The following RAPGEF6 variants were observed in gnomAD, a reference collection of about 807,000 sequenced individuals.
RAPGEF6 encodes the protein Rap guanine nucleotide exchange factor 6.
In RAPGEF6, 56 loss-of-function variants were observed where a neutral mutation model predicts 171.4. That is an observed-to-expected ratio of 0.33 (90% CI 0.26 to 0.41). The LOEUF is 0.41. RAPGEF6 is among the 10% of genes least tolerant of loss of function. The probability of loss-of-function intolerance (pLI) is 1.00; values close to 1 mark genes in which losing one functional copy is unlikely to be tolerated. For missense variants in RAPGEF6, 1,674 were observed against 1,921.4 expected (o/e 0.87, Z 2.41); for synonymous variants, 692 against 650.1 (o/e 1.06, Z -0.98).
In RAPGEF6 at chr5:131,609,160, T is replaced by C. The variant is rs537275626; in HGVS notation, c.70-4467A>G. On this transcript the variant is annotated intron_variant, in intron 1 of 27. Coordinates refer to ENST00000509018, the MANE Select transcript of RAPGEF6 (RefSeq NM_016340.6). ...GAGTAGAAGCAGTCTGAGGCCCTCA[T>C]TGGATGCAGGTGGCCAATCTAGAAT... Among the ~76,000 whole-genome samples the C allele has an allele frequency of 5.3e-5, 8 of 152,194 alleles. No individual in the cohort carries two copies. The East Asian group carries it at 5.8e-4, about 11-fold the overall frequency.
At chr5:131,499,195 C>T (rs1288084177) in intron 11 of RAPGEF6, among the ~76,000 whole-genome samples, 1 of 152,140 alleles carries the variant, frequency 6.6e-6, no homozygotes, top group Non-Finnish European at 1.5e-5. Flanking sequence ...CCTCTCCATG[C>T]TAGGTCACCA....
At chr5:131,492,383 T>G (rs1372308207) in intron 14 of RAPGEF6, among the ~76,000 whole-genome samples, 199 bp downstream of exon 14, 1 of 152,196 alleles carries the variant, frequency 6.6e-6, no homozygotes, top group Non-Finnish European at 1.5e-5. Flanking sequence ...CTGGCCATAC[T>G]ACACCAAATT....
intron 22 of RAPGEF6, among the ~76,000 whole-genome samples, chr5:131,443,349 A>G (rs1383855120): frequency 6.6e-6 from 1 of 152,160 alleles, no homozygotes; most frequent in Non-Finnish European, 1.5e-5. Flanking sequence ...AAGTGGTGTG[A>G]TTACAGGTGT....
chr5:131,524,939 C>T (rs1174343643), intron 6 of RAPGEF6, among the ~76,000 whole-genome samples: 1 of 152,124 alleles, frequency 6.6e-6, no homozygotes, highest in Non-Finnish European at 1.5e-5. Flanking sequence ...TATTAATTAC[C>T]TTGATTTGTT....
rs776672198 is a variant in RAPGEF6 at position 131,498,652 on chromosome 5, C to T, written c.1255-45G>A. 23 of 1,546,930 alleles carry T rather than the reference C, an allele frequency of 1.5e-5. No individual in the cohort carries two copies. The South Asian group carries it at 2.4e-4, about 16-fold the overall frequency. On this transcript the variant is annotated intron_variant, in intron 11 of 27. Transcript: ENST00000509018. ...AAGGATTAGAAAATAAACAAATGACCCAAGAACCAAAGAACTATTGTTGAT... is the reference window on the plus strand; with the variant it reads ...AAGGATTAGAAAATAAACAAATGACTCAAGAACCAAAGAACTATTGTTGAT...
At position 131,516,040 on chromosome 5, in the gene RAPGEF6, G is replaced by T. The variant is rs537767633; in HGVS notation, c.627+5350C>A. On this transcript the variant is annotated intron_variant, in intron 7 of 27. Transcript: ENST00000509018. ...AACAGATTTTGACTAGGACTCAGAT[G>T]ATATCCTTTTTTTTTTTTTTTTTTT... is the stretch of plus-strand genomic sequence containing the variant. 1.2e-3 allele frequency among the ~76,000 whole-genome samples: 162 copies of T among 134,802 alleles called. 1 individual carries two copies. The highest frequency in any genetic ancestry group is 1.9e-3 in the Non-Finnish European group (123 of 64,274). 88.4% of individuals were successfully genotyped at this position (134,802 alleles called of 152,430 possible).
rs571528133 is a variant in RAPGEF6, at chr5:131,508,390, A to G, written c.806-183T>C. ...AATCAATTATTTGATTAATATGTAT[A>G]TTCAGACTCACATATAAACCTGGGC... On this transcript the variant is annotated intron_variant, in intron 8 of 27. Transcript: ENST00000509018. Among the ~76,000 whole-genome samples the G allele has an allele frequency of 2.0e-5, 3 of 152,328 alleles. No individual in the cohort carries two copies. The East Asian group carries it at 5.8e-4, about 29-fold the overall frequency.
At chr5:131,562,674 AAT>A (rs745522643) in intron 4 of RAPGEF6, among the ~76,000 whole-genome samples, 24 of 152,258 alleles carry the variant, frequency 1.6e-4, no homozygotes, top group Non-Finnish European at 2.9e-4. Flanking sequence ...AATAATACCT[AAT>A]ACACGGGAAA....
intron 23 of RAPGEF6, chr5:131,439,917 T>A: frequency 1.1e-6 from 1 of 896,294 alleles, no homozygotes; most frequent in Non-Finnish European, 1.6e-6. Flanking sequence ...CAAATTCAGC[T>A]GGTCAGCATG....
chr5:131,492,985 A>T (rs1270627790), intron 13 of RAPGEF6, among the ~76,000 whole-genome samples, 200 bp from the exon 14 acceptor site: 3 of 152,230 alleles, frequency 2.0e-5, no homozygotes, highest in Non-Finnish European at 4.4e-5. Flanking sequence ...TTAAATTATC[A>T]TAGGTAGATT....
At chr5:131,452,745 C>T (rs561054646) in intron 21 of RAPGEF6, among the ~76,000 whole-genome samples, 2 of 151,550 alleles carry the variant, frequency 1.3e-5, no homozygotes, top group South Asian at 2.1e-4. Context: ...GGATTACAGG[C>T]GTGAGCCACT....
chr5:131,569,374 A>G (rs909289791), intron 4 of RAPGEF6, among the ~76,000 whole-genome samples: 2 of 152,232 alleles, frequency 1.3e-5, no homozygotes, highest in African/African-American at 2.4e-5. Context: ...AAAAATAGTT[A>G]AAGGAGACAG....
chr5:131,621,814 T>C lies in RAPGEF6; in HGVS notation c.69+13148A>G, dbSNP rs372382090. Among the ~76,000 whole-genome samples, 53 of 152,234 alleles carry C rather than the reference T, an allele frequency of 3.5e-4. 1 individual carries two copies. The South Asian group carries it at 0.01, about 30-fold the overall frequency. On this transcript the variant is annotated intron_variant, in intron 1 of 27. Transcript: ENST00000509018. ...TCACAGATATGGAGGGCCAACTGTA[T>C]CCTAAACTCATCAGGGTTCCCTTTT... is the stretch of plus-strand genomic sequence containing the variant.
intron 6 of RAPGEF6, among the ~76,000 whole-genome samples, chr5:131,535,958 A>G (rs1759740129): frequency 1.3e-5 from 2 of 152,114 alleles, no homozygotes; most frequent in Admixed American, 1.3e-4. Context: ...AACTAATGAT[A>G]ACAAAAACTG....
At position 131,498,621 on chromosome 5, in the gene RAPGEF6, G is replaced by C; in HGVS notation, c.1255-14C>G. ...CTCAGGTGTTGCCTAAAAATCCAAG[G>C]ATAGGAAGGATTAGAAAATAAACAA... On this transcript the variant is annotated splice_polypyrimidine_tract_variant and intron_variant, in intron 11 of 27. Coordinates refer to ENST00000509018, the MANE Select transcript of RAPGEF6 (RefSeq NM_016340.6). 1 of 1,606,624 alleles carries C rather than the reference G, an allele frequency of 6.2e-7. No individual in the cohort carries two copies. Among genetic ancestry groups the C allele is most frequent in the Non-Finnish European group, 8.5e-7 (1 of 1,176,788 alleles).
chr5:131,578,653 C>T (rs541552832), intron 4 of RAPGEF6, among the ~76,000 whole-genome samples: 2 of 152,204 alleles, frequency 1.3e-5, no homozygotes, highest in Non-Finnish European at 2.9e-5. Context: ...CAACAGCTTA[C>T]TGGAATCCCT....
intron 5 of RAPGEF6, among the ~76,000 whole-genome samples, chr5:131,550,715 C>T (rs1482236987): frequency 6.6e-6 from 1 of 152,188 alleles, no homozygotes; most frequent in Non-Finnish European, 1.5e-5. Flanking sequence ...CTCCTCAGAC[C>T]TCGATTGGCT....
At chr5:131,494,319 A>G (rs1471607800) in intron 13 of RAPGEF6, among the ~76,000 whole-genome samples, 1 of 152,244 alleles carries the variant, frequency 6.6e-6, no homozygotes, top group Non-Finnish European at 1.5e-5. Flanking sequence ...TCACAGCTCA[A>G]AGTTTTATAT....
intron 6 of RAPGEF6, among the ~76,000 whole-genome samples, chr5:131,539,584 A>G (rs1329402413): frequency 6.6e-6 from 1 of 152,180 alleles, no homozygotes; most frequent in Non-Finnish European, 1.5e-5. Flanking sequence ...ACACATACAC[A>G]CACACTCCAT....
Sources: allele counts gnomAD v4.1 joint callset (sites outside exome capture counted in the v4.1 genomes callset), GRCh38; gene constraint gnomAD v4.1.1; transcripts MANE v1.5; gene names NCBI Gene and HGNC (gene_info 2026-07-23, HGNC 2026-07-21).